Variants in CDKL2 observed in about 807,000 individuals in gnomAD.
CDKL2 encodes cyclin-dependent kinase-like 2.
A neutral mutation model predicts 63.9 loss-of-function variants in CDKL2; 64 were observed. The ratio of observed to expected loss-of-function variants is 1.00; its 90% CI spans 0.82 to 1.23. The LOEUF (loss-of-function observed/expected upper bound fraction) is 1.23, where lower values mean the gene tolerates loss of function less well. CDKL2 is among the 50% of genes most tolerant of loss of function. The pLI, the probability that CDKL2 is intolerant of heterozygous loss-of-function variation, is 0.00. For missense variants in CDKL2, 656 were observed against 668.0 expected (o/e 0.98, Z 0.20); for synonymous variants, 211 against 229.2 (o/e 0.92, Z 0.72).
intron 12 of CDKL2, 96 bp downstream of exon 12, chr4:75,591,723 G>A (rs1728722387): frequency 1.3e-6 from 1 of 769,948 alleles, no homozygotes; most frequent in Admixed American, 2.8e-5. Flanking sequence ...CAATAAACCT[G>A]CACAATTCTT....
chr4:75,592,604 G>A (rs1728764382), intron 10 of CDKL2, among the ~76,000 whole-genome samples: 1 of 152,156 alleles, frequency 6.6e-6, no homozygotes, highest in Non-Finnish European at 1.5e-5. Context: ...GCAAGGTCGG[G>A]CCTTACACTT....
At chr4:75,598,672 C>G (rs1729047711) in intron 7 of CDKL2, among the ~76,000 whole-genome samples, 1 of 151,478 alleles carries the variant, frequency 6.6e-6, no homozygotes, top group Non-Finnish European at 1.5e-5. Context: ...AAGCCAAACT[C>G]TTAAACGCAT....
At chr4:75,619,252 A>G (rs1353265283) in intron 2 of CDKL2, among the ~76,000 whole-genome samples, 1 of 152,172 alleles carries the variant, frequency 6.6e-6, no homozygotes, top group Non-Finnish European at 1.5e-5. Flanking sequence ...TGTAAGGGAT[A>G]TGTTTAAACT....
intron 12 of CDKL2, among the ~76,000 whole-genome samples, chr4:75,587,852 C>T (rs1372638189): frequency 6.8e-6 from 1 of 147,138 alleles, no homozygotes; most frequent in African/African-American, 2.5e-5. Flanking sequence ...TGCAGTGAGC[C>T]GAGATCGAGC....
rs1034217598 is a variant in CDKL2, at chr4:75,578,961, C to A, written c.*241G>T. 2.0e-5 allele frequency: 3 copies of A among 152,586 alleles called. No individual in the cohort carries two copies. Among genetic ancestry groups the A allele is most frequent in the Non-Finnish European group, 4.4e-5 (3 of 68,024 alleles). 9.5% of individuals were successfully genotyped at this position (152,586 alleles called of 1,614,324 possible). A position where few individuals can be genotyped will look rare whatever the true frequency, so the allele number is the denominator to read the frequency against. ...CACTGGATATGTCTTGAAATAGCAT[C>A]GGTGGACGTGAAAGGTAATGGGATA... On this transcript the variant is annotated 3_prime_UTR_variant, in exon 14 of 14. Coordinates refer to ENST00000307465, the MANE Select transcript of CDKL2 (RefSeq NM_001330724.2).
At chr4:75,581,629 AT>A (rs1330977094) in intron 13 of CDKL2, among the ~76,000 whole-genome samples, 180 bp downstream of exon 13, 1 of 152,210 alleles carries the variant, frequency 6.6e-6, no homozygotes, top group African/African-American at 2.4e-5. Context: ...GCGAAAAGGG[AT>A]TTCATCTCAG....
intron 2 of CDKL2, among the ~76,000 whole-genome samples, chr4:75,624,886 A>G (rs987292222): frequency 6.6e-6 from 1 of 152,176 alleles, no homozygotes; most frequent in Non-Finnish European, 1.5e-5. Flanking sequence ...AAATATTACT[A>G]TAATAAAAAG....
At chr4:75,588,348 G>A (rs1728566915) in intron 12 of CDKL2, among the ~76,000 whole-genome samples, 1 of 151,972 alleles carries the variant, frequency 6.6e-6, no homozygotes, top group Non-Finnish European at 1.5e-5. Flanking sequence ...AGGAAATAAA[G>A]AGAGACCACT....
intron 4 of CDKL2, 33 bp downstream of exon 4, chr4:75,607,150 A>C: frequency 1.3e-6 from 2 of 1,545,532 alleles, no homozygotes; most frequent in South Asian, 2.3e-5. Context: ...AGCAAGAGTA[A>C]AAATCTACTC....
intron 1 of CDKL2, among the ~76,000 whole-genome samples, 172 bp from the exon 2 acceptor site, chr4:75,626,189 G>A (rs1305441662): frequency 6.6e-6 from 1 of 151,960 alleles, no homozygotes; most frequent in Non-Finnish European, 1.5e-5. Context: ...GTTTCAAAAT[G>A]GTCACACACA....
At chr4:75,595,708 G>C (rs1469459312) in intron 10 of CDKL2, among the ~76,000 whole-genome samples, 1 of 152,064 alleles carries the variant, frequency 6.6e-6, no homozygotes, top group Non-Finnish European at 1.5e-5. Flanking sequence ...AAGGCAGGTG[G>C]ATCACGAGGT....
intron 2 of CDKL2, among the ~76,000 whole-genome samples, chr4:75,623,217 T>C (rs891638166): frequency 2.0e-5 from 3 of 152,076 alleles, no homozygotes; most frequent in Non-Finnish European, 4.4e-5. Context: ...AGGCAGAGAT[T>C]GCAATGAGTC....
intron 1 of CDKL2, among the ~76,000 whole-genome samples, chr4:75,626,502 T>TA (rs1254183153): frequency 1.3e-5 from 2 of 151,998 alleles, no homozygotes; most frequent in Admixed American, 1.3e-4. Context: ...CCGTCTCTAC[T>TA]AAAAATACAG....
chr4:75,607,505 A>G lies in CDKL2; in HGVS notation c.364-144T>C. On this transcript the variant is annotated intron_variant, in intron 3 of 13. Coordinates refer to ENST00000307465, the MANE Select transcript of CDKL2 (RefSeq NM_001330724.2). ...TGCTCCTAGCCCTCAACAACCTAGGACCTAGTTGGGCAAGAAAGAACATCT... is the reference window on the plus strand; with the variant it reads ...TGCTCCTAGCCCTCAACAACCTAGGGCCTAGTTGGGCAAGAAAGAACATCT... The G allele has an allele frequency of 7.5e-6, 4 of 534,830 alleles. No individual in the cohort carries two copies. In the Admixed American group the frequency reaches 1.2e-4, roughly 16 times the overall value. 33.1% of individuals were successfully genotyped at this position (534,830 alleles called of 1,614,324 possible).
chr4:75,581,758 A>C, intron 13 of CDKL2, 52 bp downstream of exon 13: 2 of 1,017,002 alleles, frequency 2.0e-6, no homozygotes, highest in South Asian at 2.8e-5. Flanking sequence ...CAAGCCACAA[A>C]ATAGTACCTG....
chr4:75,603,222 G>C (rs374656923), intron 6 of CDKL2, among the ~76,000 whole-genome samples: 21,547 of 143,772 alleles, frequency 0.15, 2,164 homozygotes, highest in African/African-American at 0.28. Context: ...GGATGGTCTC[G>C]ATCTCCTGAC....
At chr4:75,584,490 T>C (rs1028403842) in intron 12 of CDKL2, among the ~76,000 whole-genome samples, 2 of 152,182 alleles carry the variant, frequency 1.3e-5, no homozygotes, top group Non-Finnish European at 2.9e-5. Context: ...TTTCCACCTG[T>C]GAGACTCATT....
At chr4:75,582,348 C>A (rs1469587575) in intron 12 of CDKL2, among the ~76,000 whole-genome samples, 1 of 152,014 alleles carries the variant, frequency 6.6e-6, no homozygotes, top group African/African-American at 2.4e-5. Context: ...TAAAAGGGAA[C>A]CAAATGTATA....
At chr4:75,598,982 A>C (rs1049582987) in intron 7 of CDKL2, among the ~76,000 whole-genome samples, 20 of 152,232 alleles carry the variant, frequency 1.3e-4, no homozygotes, top group African/African-American at 4.3e-4. Flanking sequence ...CAATTCTGTT[A>C]AACTTGTATC....
Sources: allele counts gnomAD v4.1 joint callset (sites outside exome capture counted in the v4.1 genomes callset), GRCh38; gene constraint gnomAD v4.1.1; transcripts MANE v1.5; gene names NCBI Gene and HGNC (gene_info 2026-07-23, HGNC 2026-07-21).